Variants in AK8 observed in about 807,000 individuals in gnomAD.
AK8 encodes the protein adenylate kinase 8, also known as ATP-AMP transphosphorylase 8.
In AK8, 44 loss-of-function variants were observed where a neutral mutation model predicts 54.6. That is an observed-to-expected ratio of 0.81 (90% confidence interval 0.63 to 1.04). The LOEUF (loss-of-function observed/expected upper bound fraction) is 1.04. Ranked by LOEUF, AK8 falls within the 50% of genes least tolerant of loss-of-function variation. The probability of loss-of-function intolerance (pLI) is 0.00; values close to 1 mark genes in which losing one functional copy is unlikely to be tolerated. For synonymous variants in AK8, 239 were observed against 245.6 expected (o/e 0.97, Z 0.25); for missense variants, 555 against 613.6 (o/e 0.90, Z 1.01).
chr9:132,792,649 C>A lies in AK8; in HGVS notation c.1106G>T (p.Gly369Val). Reference protein sequence around the residue: ...LDQAHLLNRLGYNPNRVFFLN... With the variant: ...LDQAHLLNRLVYNPNRVFFLN... ...GGCAGCTCACCTGTTGGGATTGTAG[C>A]CCAGGCGGTTCAGCAGGTGTGCCTG... is the stretch of plus-strand genomic sequence containing the variant. Residue 369 changes from glycine to valine, a missense_variant, in exon 11 of 13, where the codon GGC (glycine) becomes GTC (valine). By Grantham distance (109) the Gly-to-Val change is moderately radical. Coordinates refer to ENST00000298545, the MANE Select transcript of AK8 (RefSeq NM_152572.3). The A allele has an allele frequency of 6.4e-7, 1 of 1,553,592 alleles. No homozygotes were observed. Among genetic ancestry groups the A allele is most frequent in the South Asian group, 1.2e-5 (1 of 84,158 alleles).
At chr9:132,738,659 G>A (rs1357375013) in intron 11 of AK8, among the ~76,000 whole-genome samples, 1 of 152,082 alleles carries the variant, frequency 6.6e-6, no homozygotes, top group Non-Finnish European at 1.5e-5. Context: ...TCTCGTTTGA[G>A]GCAAGGATAG....
intron 11 of AK8, among the ~76,000 whole-genome samples, chr9:132,744,398 C>T (rs1011412967): frequency 7.2e-6 from 1 of 138,602 alleles, no homozygotes; most frequent in African/African-American, 2.8e-5. Flanking sequence ...TAAAAAGTAA[C>T]AGGAGAATAG....
At chr9:132,848,140 A>AAAAAAAAAAAAAAAAAAAC (rs1842830536) in intron 5 of AK8, among the ~76,000 whole-genome samples, 1 of 92,440 alleles carries the variant, frequency 1.1e-5, no homozygotes. Context: ...AAAAAAAAAA[A>AAAAAAAAAAAAAAAAAAAC]AAAGATTGAA....
chr9:132,791,051 G>A lies in AK8; in HGVS notation c.1121+1583C>T, dbSNP rs1839926106. Among the ~76,000 whole-genome samples the A allele has an allele frequency of 6.6e-6, 1 of 152,176 alleles. No homozygotes were observed. Among genetic ancestry groups the A allele is most frequent in the Non-Finnish European group, 1.5e-5 (1 of 68,040 alleles). On this transcript the variant is annotated intron_variant, in intron 11 of 12. Coordinates refer to ENST00000298545, the MANE Select transcript of AK8 (RefSeq NM_152572.3). This position sits in a 1 kb window ranked among gnomAD's most constrained non-coding sequence, Gnocchi z 4.0. ...AATATATCCATGTCAAACTGTAACGGATTGTATTAGTCCGTTTCACACTGC... is the reference window on the plus strand; with the variant it reads ...AATATATCCATGTCAAACTGTAACGAATTGTATTAGTCCGTTTCACACTGC...
intron 11 of AK8, among the ~76,000 whole-genome samples, chr9:132,761,825 C>CCT (rs1042762680): frequency 3.3e-5 from 5 of 149,262 alleles, no homozygotes; most frequent in Admixed American, 6.7e-5. Context: ...TCTCTCTCTC[C>CCT]CTCTCTCTCT....
intron 11 of AK8, among the ~76,000 whole-genome samples, chr9:132,758,519 G>C (rs901426753): frequency 2.0e-5 from 3 of 151,982 alleles, no homozygotes; most frequent in Admixed American, 6.6e-5. Flanking sequence ...GTGCGATCTC[G>C]GCTCACTGCA....
In AK8 at chr9:132,875,127, C is replaced by G. The variant is rs1193843045; in HGVS notation, c.157G>C (p.Asp53His). The G allele has an allele frequency of 3.6e-5, 58 of 1,614,028 alleles. No individual in the cohort carries two copies. The Admixed American group carries it at 9.3e-4, about 26-fold the overall frequency. ...IPFMIQHLHR[D>H]NDNVPRIVIL... is the part of the protein sequence containing the mutation. Reference sequence around the variant, plus strand: ...AGCCAGTGCTCACCATTGTCGTTGTCTCTATGCAAGTGCTGGATCATGAAG... The same window carrying G: ...AGCCAGTGCTCACCATTGTCGTTGTGTCTATGCAAGTGCTGGATCATGAAG... The change falls in exon 2 of 13, where the codon GAC becomes CAC. Residue 53 changes from aspartate (D) to histidine (H), a missense_variant. By Grantham distance (81) the Asp-to-His change is moderately conservative. Coordinates refer to ENST00000298545, the MANE Select transcript of AK8 (RefSeq NM_152572.3).
intron 11 of AK8, among the ~76,000 whole-genome samples, chr9:132,730,011 T>C (rs900558253): frequency 2.0e-5 from 3 of 152,150 alleles, no homozygotes; most frequent in Non-Finnish European, 2.9e-5. Flanking sequence ...CTGAGAGTCG[T>C]GTGTTTTCAG....
In AK8 at chr9:132,745,423, G is replaced by A. The variant is rs77988849; in HGVS notation, c.1122-17889C>T. On this transcript the variant is annotated intron_variant, in intron 11 of 12. Coordinates refer to ENST00000298545, the MANE Select transcript of AK8 (RefSeq NM_152572.3). ...GTTCTCAAATACTTCAATTGTGTGC[G>A]TCCGTGTCGCGGCTGTAATGTGGAG... is the stretch of plus-strand genomic sequence containing the variant. 2.7e-3 allele frequency among the ~76,000 whole-genome samples: 407 copies of A among 152,220 alleles called. 8 individuals carry two copies. In the East Asian group the frequency reaches 0.054, roughly 20 times the overall value.
intron 11 of AK8, among the ~76,000 whole-genome samples, chr9:132,736,701 C>T (rs1837134879): frequency 6.8e-6 from 1 of 148,046 alleles, no homozygotes; most frequent in African/African-American, 2.5e-5. Context: ...AGGAGAATGG[C>T]GTGAACCCGG....
intron 11 of AK8, among the ~76,000 whole-genome samples, chr9:132,776,986 T>TG (rs1839248346): frequency 6.6e-6 from 1 of 152,256 alleles, no homozygotes; most frequent in East Asian, 1.9e-4. Flanking sequence ...CCTGGTTCCA[T>TG]GGGGGTCTCA....
chr9:132,864,460 C>T (rs1212308609), intron 3 of AK8, among the ~76,000 whole-genome samples: 1 of 152,196 alleles, frequency 6.6e-6, no homozygotes. Context: ...GCCCTCACTG[C>T]ACACCCCTCA....
At position 132,725,781 on chromosome 9, in the gene AK8, C is replaced by A; in HGVS notation, c.1347G>T (p.Ser449=). 1 of 1,601,932 alleles carries A rather than the reference C, an allele frequency of 6.2e-7. No individual in the cohort carries two copies. The highest frequency in any genetic ancestry group is 8.5e-7 in the Non-Finnish European group (1 of 1,174,466). Residue 449 remains serine, a synonymous_variant, in exon 13 of 13, where the codon TCG becomes TCT. Transcript: ENST00000298545. ...CCTGGTCCCCATTGAGGGTGATGGC[C>A]GACCCATACAACTGCTCCAAGTCAG... is the stretch of plus-strand genomic sequence containing the variant. ...NSADLEQLYG[S]AITLNGDQDP... is the part of the protein sequence containing the mutation.
intron 11 of AK8, among the ~76,000 whole-genome samples, chr9:132,744,412 C>A (rs777654448): frequency 8.2e-6 from 1 of 122,394 alleles, no homozygotes; most frequent in African/African-American, 3.2e-5. Flanking sequence ...AGAATAGACA[C>A]GTGCCAAAAA....
intron 1 of AK8, among the ~76,000 whole-genome samples, chr9:132,876,189 T>C (rs1416714878): frequency 2.0e-5 from 3 of 152,214 alleles, no homozygotes; most frequent in Admixed American, 1.3e-4. Context: ...CCTTCCCTTC[T>C]CTGGGCCTCA....
chr9:132,785,393 C>G (rs1291883453), intron 11 of AK8, among the ~76,000 whole-genome samples: 1 of 152,230 alleles, frequency 6.6e-6, no homozygotes, highest in African/African-American at 2.4e-5. Context: ...TGAGCCACCA[C>G]GCCCAACCGA....
chr9:132,866,050 T>C (rs912290341), intron 3 of AK8, among the ~76,000 whole-genome samples: 2 of 151,294 alleles, frequency 1.3e-5, no homozygotes, highest in Admixed American at 6.6e-5. Flanking sequence ...ATACATAAAT[T>C]AGCCGCGCAT....
chr9:132,829,106 G>A (rs989519171), intron 5 of AK8, among the ~76,000 whole-genome samples: 3 of 151,964 alleles, frequency 2.0e-5, no homozygotes, highest in Non-Finnish European at 4.4e-5. Context: ...ATAAGCATGT[G>A]CCACCACACC....
chr9:132,812,333 C>T lies in AK8; in HGVS notation c.979+2305G>A, dbSNP rs1277135456. On this transcript the variant is annotated intron_variant, in intron 10 of 12. Transcript: ENST00000298545. ...GCAACCTCTGCCTCCCCGGTTCAAG[C>T]GATTCTCCTGCTTCAACCTCCCGAG... Among the ~76,000 whole-genome samples the T allele has an allele frequency of 4.0e-5, 6 of 149,382 alleles. 1 individual carries two copies. The highest frequency in any genetic ancestry group is 2.1e-4 in the South Asian group (1 of 4,662).
Sources: gnomAD v4.1 joint callset for allele counts (sites outside exome capture counted in the v4.1 genomes callset) on GRCh38, gnomAD v4.1.1 for gene constraint, Gnocchi (gnomAD v3.1) non-coding constraint, MANE v1.5 for transcripts, NCBI Gene and HGNC (gene_info 2026-07-23, HGNC 2026-07-21) for gene names.